The following PRMT2 variants were observed in gnomAD, a reference collection of about 807,000 sequenced individuals.
The protein encoded by PRMT2 is protein arginine methyltransferase 2, also known as protein arginine N-methyltransferase 2.
PRMT2 carries 26 observed loss-of-function variants against 57.6 expected under a neutral mutation model. The ratio of observed to expected loss-of-function variants is 0.45; its 90% CI spans 0.33 to 0.63. The LOEUF (loss-of-function observed/expected upper bound fraction) is 0.63, where lower values mean the gene tolerates loss of function less well. Ranked by LOEUF, PRMT2 falls within the 20% of genes least tolerant of loss-of-function variation. PRMT2 has a pLI of 0.02. For synonymous variants in PRMT2, 219 were observed against 220.0 expected, an observed-to-expected ratio of 1.00 and a Z score of 0.04; for missense variants, 472 against 564.4, an observed-to-expected ratio of 0.84 and a Z score of 1.66.
In PRMT2 at chr21:46,635,711, C is replaced by T. The variant is rs1020036688; in HGVS notation, c.-218C>T. 2 of 152,416 alleles carry T rather than the reference C, an allele frequency of 1.3e-5. No individual in the cohort carries two copies. The highest frequency in any genetic ancestry group is 2.4e-5 in the African/African-American group (1 of 41,474). The allele number at this position is 152,416 out of a possible 1,614,324, so 9.4% of individuals were successfully genotyped here. ...TCAGGCTCCTGGAAAGGACCGTCCA[C>T]CCCTCCGCGCTGGCGGTGTGGACGC... On this transcript the variant is annotated 5_prime_UTR_variant, in exon 1 of 12. Coordinates refer to ENST00000355680, the MANE Select transcript of PRMT2 (RefSeq NM_206962.4).
chr21:46,659,824 C>T, intron 8 of PRMT2: 1 of 985,394 alleles, frequency 1.0e-6, no homozygotes, highest in Non-Finnish European at 1.2e-6. Flanking sequence ...TGGTGGAGCA[C>T]TGCTGTGTGT....
chr21:46,644,790 TGTTA>T, intron 5 of PRMT2, among the ~76,000 whole-genome samples: 1 of 152,228 alleles, frequency 6.6e-6, no homozygotes, highest in South Asian at 2.1e-4. Flanking sequence ...TAAAACCCAC[TGTTA>T]GTTTGGAGGC....
At chr21:46,661,133 T>G in intron 9 of PRMT2, 171 bp downstream of exon 9, 1 of 651,996 alleles carries the variant, frequency 1.5e-6, no homozygotes, top group Non-Finnish European at 2.3e-6. Flanking sequence ...ACTGATTTTT[T>G]CCAGTCTTTT....
intron 7 of PRMT2, chr21:46,654,087 C>G: frequency 2.0e-6 from 2 of 985,642 alleles, no homozygotes; most frequent in Non-Finnish European, 2.4e-6. Flanking sequence ...CTGCAGTGTC[C>G]TCCTTCCCAG....
At chr21:46,662,365 C>G (rs934696246) in intron 10 of PRMT2, among the ~76,000 whole-genome samples, 2 of 152,230 alleles carry the variant, frequency 1.3e-5, no homozygotes, top group African/African-American at 2.4e-5. Flanking sequence ...GTGGAGCTGC[C>G]TTCAGGGCCC....
At chr21:46,662,719 C>G (rs1201241190) in intron 10 of PRMT2, among the ~76,000 whole-genome samples, 1 of 152,152 alleles carries the variant, frequency 6.6e-6, no homozygotes, top group East Asian at 1.9e-4. Context: ...ACTGCTGGCC[C>G]CACCGTGGAC....
intron 11 of PRMT2, 131 bp downstream of exon 11, chr21:46,663,685 C>T: frequency 1.1e-6 from 1 of 918,632 alleles, no homozygotes; most frequent in Non-Finnish European, 1.6e-6. Flanking sequence ...GTGATTTAAT[C>T]CTTACACAGA....
At chr21:46,659,777 G>A (rs937979944) in intron 8 of PRMT2, 75 of 985,308 alleles carry the variant, frequency 7.6e-5, no homozygotes, top group Admixed American at 7.4e-4. Context: ...GCCAGTGGCC[G>A]TCCAGAGGAA....
intron 7 of PRMT2, chr21:46,652,519 C>T (rs755693268): frequency 1.0e-6 from 1 of 985,406 alleles, no homozygotes; most frequent in South Asian, 4.7e-5. Flanking sequence ...ATGCCACCAA[C>T]AATTTGAAAG....
Position 46,664,660 on chromosome 21 carries a change from T to C in PRMT2, c.*333T>C, listed in dbSNP as rs2061677586. The stretch of plus-strand genomic sequence containing the variant: ...TAAGCTAGGTCTAGGTCTACACTCC[T>C]AGGACGCACGCATATCAGCCCGTGT... On this transcript the variant is annotated 3_prime_UTR_variant, in exon 12 of 12. Coordinates refer to ENST00000355680, the MANE Select transcript of PRMT2 (RefSeq NM_206962.4). 5.0e-6 allele frequency: 2 copies of C among 397,060 alleles called. No homozygotes were observed. The highest frequency in any genetic ancestry group is 4.7e-6 in the Non-Finnish European group (1 of 213,230). 24.6% of individuals were successfully genotyped at this position (397,060 alleles called of 1,614,324 possible).
chr21:46,643,426 G>A (rs2061312065), intron 3 of PRMT2, 109 bp from the exon 4 acceptor site: 1 of 1,358,146 alleles, frequency 7.4e-7, no homozygotes, highest in African/African-American at 1.5e-5. Context: ...ATAAATACTT[G>A]GACACATGAA....
chr21:46,661,843 C>A lies in PRMT2; in HGVS notation c.1004C>A (p.Thr335Asn), dbSNP rs1378780889. ...CGCTTCGACATCAGGAAGGCGGGGACCCTGCACGGCTTCACGGCCTGGTTT... is the reference window on the plus strand; with the variant it reads ...CGCTTCGACATCAGGAAGGCGGGGAACCTGCACGGCTTCACGGCCTGGTTT... The part of the protein sequence containing the change: ...ELRFDIRKAG[T>N]LHGFTAWFSV... Residue 335 changes from threonine to asparagine, a missense_variant, in exon 10 of 12, where the codon ACC (threonine) becomes AAC (asparagine). Thr to Asn is a moderately conservative substitution (Grantham distance 65). Coordinates refer to ENST00000355680, the MANE Select transcript of PRMT2 (RefSeq NM_206962.4). 2 of 1,511,468 alleles carry A rather than the reference C, an allele frequency of 1.3e-6. No homozygotes were observed. The highest frequency in any genetic ancestry group is 2.1e-5 in the Admixed American group (1 of 48,672). 93.6% of individuals were successfully genotyped at this position (1,511,468 alleles called of 1,614,324 possible). A position where few individuals can be genotyped will look rare whatever the true frequency, so the allele number is the denominator to read the frequency against.
chr21:46,635,822 GGTGAGGCGTCCTCGCACTGC>G, intron 1 of PRMT2, 59 bp downstream of exon 1: 1 of 152,498 alleles, frequency 6.6e-6, no homozygotes. Flanking sequence ...GGACAGGCCA[GGTGAGGCGTCCTCGCACTGC>G]GTGTGCGTCG....
chr21:46,658,975 T>G, intron 8 of PRMT2, 55 bp downstream of exon 8: 1 of 1,572,976 alleles, frequency 6.4e-7, no homozygotes, highest in Non-Finnish European at 8.6e-7. Flanking sequence ...TGGTCCACAG[T>G]CTGCAGGTGG....
chr21:46,639,390 A>G (rs948543037), intron 3 of PRMT2, among the ~76,000 whole-genome samples: 2 of 152,024 alleles, frequency 1.3e-5, no homozygotes, highest in Non-Finnish European at 2.9e-5. Flanking sequence ...TGAAATCTCT[A>G]TATCTTTTCT....
intron 5 of PRMT2, among the ~76,000 whole-genome samples, chr21:46,647,253 A>T (rs1189422367): frequency 6.6e-6 from 1 of 151,334 alleles, no homozygotes; most frequent in Non-Finnish European, 1.5e-5. Flanking sequence ...GTAAACTTTC[A>T]TATTATTTGC....
chr21:46,662,244 C>T (rs1052270393), intron 10 of PRMT2, among the ~76,000 whole-genome samples: 4 of 152,156 alleles, frequency 2.6e-5, no homozygotes, highest in Non-Finnish European at 5.9e-5. Context: ...CACAGCTCTT[C>T]ATGGTCTGAC....
Position 46,663,446 on chromosome 21 carries a change from C to A in PRMT2, c.1161C>A (p.Asp387Glu). ...ACCCAGTCCCTGTCCATACAGGAGA[C>A]GTGGTCACGGGTTCAGTTGTGTTGC... ...MDDPVPVHTG[D>E]VVTGSVVLQR... The change falls in exon 11 of 12, where the codon GAC becomes GAA. Residue 387 changes from aspartate to glutamate, a missense_variant. Coordinates refer to ENST00000355680, the MANE Select transcript of PRMT2 (RefSeq NM_206962.4). The A allele has an allele frequency of 6.2e-7, 1 of 1,614,170 alleles. No individual in the cohort carries two copies. The highest frequency in any genetic ancestry group is 8.5e-7 in the Non-Finnish European group (1 of 1,180,018).
Position 46,648,400 on chromosome 21 carries a change from C to A in PRMT2, c.328-58C>A. 6.3e-7 allele frequency: 1 copy of A among 1,581,696 alleles called. No homozygotes were observed. The highest frequency in any genetic ancestry group is 8.6e-7 in the Non-Finnish European group (1 of 1,157,736). On this transcript the variant is annotated intron_variant, in intron 5 of 11. Transcript: ENST00000355680. The surrounding 1 kb of genome is among the most constrained non-coding windows in gnomAD (Gnocchi z 4.8). ...GTGGCTCTGACCCTCCATCTCAGTCCAGACCTCAGCATGGCTCTAGGTCAC... is the reference window on the plus strand; with the variant it reads ...GTGGCTCTGACCCTCCATCTCAGTCAAGACCTCAGCATGGCTCTAGGTCAC...
Sources: gnomAD v4.1 joint callset for allele counts (sites outside exome capture counted in the v4.1 genomes callset) on GRCh38, gnomAD v4.1.1 for gene constraint, Gnocchi (gnomAD v3.1) non-coding constraint, MANE v1.5 for transcripts, NCBI Gene and HGNC (gene_info 2026-07-23, HGNC 2026-07-21) for gene names.